CLSTN2: variants seen among roughly 807,000 people sequenced by gnomAD.
The protein encoded by CLSTN2 is calsyntenin 2.
CLSTN2 carries 48 observed loss-of-function variants against 101.2 expected under a neutral mutation model. That is an observed-to-expected ratio of 0.47 (90% CI 0.38 to 0.60). The LOEUF (loss-of-function observed/expected upper bound fraction) is 0.60, where lower values mean the gene tolerates loss of function less well. Among genes scored for constraint, CLSTN2 ranks in the 20% least tolerant of loss-of-function variants. The pLI is 0.00. For synonymous variants in CLSTN2, 481 were observed against 463.6 expected (o/e 1.04, Z -0.48); for missense variants, 1,160 against 1,238.2 (o/e 0.94, Z 0.95).
chr3:140,415,486 C>CAAAAAAAAAA (rs751616049), intron 4 of CLSTN2, among the ~76,000 whole-genome samples: 880 of 56,618 alleles, frequency 0.016, no homozygotes, highest in East Asian at 0.019. Context: ...CACAAAATAG[C>CAAAAAAAAAA]AAAAAAAAAA....
At chr3:140,405,460 C>T (rs1193394979) in intron 4 of CLSTN2, among the ~76,000 whole-genome samples, 1 of 152,156 alleles carries the variant, frequency 6.6e-6, no homozygotes, top group African/African-American at 2.4e-5. Flanking sequence ...CTCCTGACCT[C>T]AAGTGATCCA....
chr3:140,362,857 T>C (rs2087744358), intron 2 of CLSTN2, among the ~76,000 whole-genome samples: 1 of 152,026 alleles, frequency 6.6e-6, no homozygotes, highest in African/African-American at 2.4e-5. Context: ...AACTATAACC[T>C]TTATACATTT....
chr3:140,438,761 T>C (rs13092991), intron 5 of CLSTN2, among the ~76,000 whole-genome samples: 24,375 of 152,118 alleles, frequency 0.16, 2,506 homozygotes, highest in South Asian at 0.33. Flanking sequence ...TTGGCTGAAT[T>C]CATTGATCTT....
At chr3:140,205,117 T>G (rs1299436471) in intron 2 of CLSTN2, among the ~76,000 whole-genome samples, 1 of 152,214 alleles carries the variant, frequency 6.6e-6, no homozygotes, top group Non-Finnish European at 1.5e-5. Flanking sequence ...ACCTATTATT[T>G]GAATCTTCAC....
intron 1 of CLSTN2, among the ~76,000 whole-genome samples, chr3:140,136,259 T>C: frequency 6.6e-6 from 1 of 152,192 alleles, no homozygotes; most frequent in East Asian, 1.9e-4. Flanking sequence ...CTGGCACTAA[T>C]GTGGTTTTGT....
intron 2 of CLSTN2, among the ~76,000 whole-genome samples, chr3:140,218,461 A>C (rs1010668610): frequency 1.3e-5 from 2 of 152,150 alleles, no homozygotes; most frequent in Non-Finnish European, 2.9e-5. Flanking sequence ...AGGAAGTGAA[A>C]GAAAGTGAGA....
rs556597494 is a variant in CLSTN2 at position 140,569,027 on chromosome 3, G to T, written c.*2774G>T. Reference sequence around the variant, plus strand: ...AGCTACAAAGATCAGGCACTTGAATGAATCCGCTGGGTTGGCAGGCATTGG... The same window carrying T: ...AGCTACAAAGATCAGGCACTTGAATTAATCCGCTGGGTTGGCAGGCATTGG... On this transcript the variant is annotated 3_prime_UTR_variant, in exon 17 of 17. Coordinates refer to ENST00000458420, the MANE Select transcript of CLSTN2 (RefSeq NM_022131.3). The T allele has an allele frequency of 6.6e-6, 1 of 152,386 alleles. No homozygotes were observed. The highest frequency in any genetic ancestry group is 2.1e-4 in the South Asian group (1 of 4,816). The allele number at this position is 152,386 out of a possible 1,614,324, so 9.4% of individuals were successfully genotyped here.
At chr3:140,149,255 A>G (rs1451819684) in intron 1 of CLSTN2, among the ~76,000 whole-genome samples, 1 of 152,164 alleles carries the variant, frequency 6.6e-6, no homozygotes. Flanking sequence ...GGGTGTCAGC[A>G]TGGTAAGCAG....
intron 1 of CLSTN2, among the ~76,000 whole-genome samples, chr3:140,006,358 C>A (rs2006954616): frequency 6.6e-6 from 1 of 152,134 alleles, no homozygotes; most frequent in African/African-American, 2.4e-5. Flanking sequence ...AAATTCAAAG[C>A]CTGGGTTCTA....
intron 1 of CLSTN2, among the ~76,000 whole-genome samples, chr3:140,044,881 C>T (rs1247672691): frequency 6.6e-6 from 1 of 152,070 alleles, no homozygotes; most frequent in African/African-American, 2.4e-5. Flanking sequence ...GGATGAAGCC[C>T]ACTTGATCAT....
intron 1 of CLSTN2, among the ~76,000 whole-genome samples, chr3:140,127,697 T>A (rs2009457867): frequency 6.6e-6 from 1 of 152,108 alleles, no homozygotes; most frequent in South Asian, 2.1e-4. Flanking sequence ...GCCAGGCTCA[T>A]CTCAAAGGCT....
At chr3:140,472,628 C>T (rs1417656918) in intron 8 of CLSTN2, among the ~76,000 whole-genome samples, 7 of 152,188 alleles carry the variant, frequency 4.6e-5, no homozygotes, top group East Asian at 1.9e-4. Context: ...CCTGCCTGTG[C>T]CCTGCCCTCA....
chr3:140,359,304 T>G (rs2087704045), intron 2 of CLSTN2, among the ~76,000 whole-genome samples: 1 of 152,176 alleles, frequency 6.6e-6, no homozygotes, highest in African/African-American at 2.4e-5. Context: ...ACGTTGGAAC[T>G]TCTCAAATGC....
intron 5 of CLSTN2, among the ~76,000 whole-genome samples, chr3:140,427,221 ATATGTG>A (rs2088580100): frequency 2.0e-5 from 2 of 101,132 alleles, no homozygotes; most frequent in Admixed American, 1.1e-4. Context: ...ATATATATAT[ATATGTG>A]TGTATATATA....
chr3:140,562,840 G>C lies in CLSTN2; in HGVS notation c.2242G>C (p.Val748Leu). Reference sequence around the variant, plus strand: ...GGGCTCCATGAGCCGCTATGAGCAGGTGCTACATCACATCCGCTACCGCAA... The same window carrying C: ...GGGCTCCATGAGCCGCTATGAGCAGCTGCTACATCACATCCGCTACCGCAA... ...GVGSMSRYEQ[V>L]LHHIRYRNWR... The change falls in exon 14 of 17, where the codon GTG becomes CTG. Residue 748 changes from valine (V) to leucine (L), a missense_variant. Physicochemically the swap from Val to Leu is conservative, Grantham distance 32. Transcript: ENST00000458420. 6.2e-7 allele frequency: 1 copy of C among 1,614,064 alleles called. No individual in the cohort carries two copies. The highest frequency in any genetic ancestry group is 8.5e-7 in the Non-Finnish European group (1 of 1,180,024).
At chr3:140,270,980 C>G (rs73867118) in intron 2 of CLSTN2, among the ~76,000 whole-genome samples, 5,202 of 152,218 alleles carry the variant, frequency 0.034, 278 homozygotes, top group African/African-American at 0.12. Context: ...ATTGGATAGT[C>G]TTGCAACAGA....
intron 1 of CLSTN2, among the ~76,000 whole-genome samples, chr3:140,047,677 T>C (rs1019638330): frequency 2.0e-5 from 3 of 152,064 alleles, no homozygotes; most frequent in Middle Eastern, 3.2e-3. Context: ...CTCTGTGGAG[T>C]CCGCAGGTAG....
intron 1 of CLSTN2, among the ~76,000 whole-genome samples, chr3:140,162,196 C>A (rs2010057050): frequency 2.0e-5 from 3 of 152,150 alleles, no homozygotes; most frequent in Admixed American, 2.0e-4. Flanking sequence ...ATAATTTTGA[C>A]CTTGTGAACC....
At chr3:140,121,710 T>C (rs576396169) in intron 1 of CLSTN2, among the ~76,000 whole-genome samples, 2 of 152,298 alleles carry the variant, frequency 1.3e-5, no homozygotes, top group East Asian at 3.9e-4. Context: ...CAAGGGAAGT[T>C]CTGTGGTCTG....
Sources: gnomAD v4.1 joint callset for allele counts (sites outside exome capture counted in the v4.1 genomes callset) on GRCh38, gnomAD v4.1.1 for gene constraint, MANE v1.5 for transcripts, NCBI Gene and HGNC (gene_info 2026-07-23, HGNC 2026-07-21) for gene names.